MEST: variants seen among roughly 807,000 people sequenced by gnomAD.
MEST encodes mesoderm-specific transcript homolog protein.
In MEST, 18 loss-of-function variants were observed where a neutral mutation model predicts 50.9. The observed-to-expected ratio is 0.35, with a 90% CI of 0.24 to 0.52. The LOEUF is 0.52. MEST is among the 20% of genes least tolerant of loss of function. The probability of loss-of-function intolerance (pLI) is 0.94; values close to 1 mark genes in which losing one functional copy is unlikely to be tolerated. For missense variants in MEST, 282 were observed against 425.3 expected (o/e 0.66, Z 2.96); for synonymous variants, 130 against 154.1 (o/e 0.84, Z 1.16).
intron 1 of MEST, chr7:130,494,399 T>C (rs1554436284): frequency 2.6e-5 from 4 of 152,224 alleles, no homozygotes; most frequent in South Asian, 2.1e-4. Flanking sequence ...TCAGAAGTCA[T>C]AGACTTGAAA....
intron 11 of MEST, 49 bp from the exon 12 acceptor site, chr7:130,504,890 C>A: frequency 6.9e-7 from 1 of 1,451,278 alleles, no homozygotes; most frequent in South Asian, 1.1e-5. Context: ...GGCTTACATC[C>A]CTCCCGCTCC....
At position 130,505,067 on chromosome 7, in the gene MEST, G is replaced by A; in HGVS notation, c.*11G>A. ...ATCAACTCCTTCTGAGCTGGAAAGA[G>A]TAGCTTCCCTGTATTACCTCCCCTA... On this transcript the variant is annotated 3_prime_UTR_variant, in exon 12 of 12. Coordinates refer to ENST00000223215, the MANE Select transcript of MEST (RefSeq NM_002402.4). 2 of 1,584,404 alleles carry A rather than the reference G, an allele frequency of 1.3e-6. No individual in the cohort carries two copies. The highest frequency in any genetic ancestry group is 8.7e-7 in the Non-Finnish European group (1 of 1,153,934).
Position 130,505,170 on chromosome 7 carries a change from A to G in MEST, c.*114A>G. 2.5e-6 allele frequency: 2 copies of G among 807,060 alleles called. No homozygotes were observed. Among genetic ancestry groups the G allele is most frequent in the East Asian group, 2.5e-5 (1 of 40,702 alleles). 50.0% of individuals were successfully genotyped at this position (807,060 alleles called of 1,614,324 possible). On this transcript the variant is annotated 3_prime_UTR_variant, in exon 12 of 12. Transcript: ENST00000223215. The stretch of plus-strand genomic sequence containing the variant: ...TGGCCATCAAACATAATTCTCTCAC[A>G]AAGTCCACTTTACTCAAATTGGTGA...
At chr7:130,491,299 G>T (rs945511706), upstream of MEST, 2 of 152,356 alleles carry the variant, frequency 1.3e-5, no homozygotes, top group Non-Finnish European at 2.9e-5. The surrounding 1 kb of genome is among the most constrained non-coding windows in gnomAD (Gnocchi z 6.8). Context: ...GTGCAGCGCG[G>T]ACCGGCGCAT....
In MEST at chr7:130,497,903, C is replaced by G; in HGVS notation, c.262-33C>G. 1 of 1,603,460 alleles carries G rather than the reference C, an allele frequency of 6.2e-7. No homozygotes were observed. Among genetic ancestry groups the G allele is most frequent in the East Asian group, 2.2e-5 (1 of 44,830 alleles). The stretch of plus-strand genomic sequence containing the variant: ...GTCTGGTGAAAGGGAGGGGCAGGAG[C>G]AGAAAGCCCAAATCATCGTTTCTTT... On this transcript the variant is annotated intron_variant, in intron 3 of 11. Coordinates refer to ENST00000223215, the MANE Select transcript of MEST (RefSeq NM_002402.4). The surrounding 1 kb of genome is among the most constrained non-coding windows in gnomAD (Gnocchi z 4.0).
upstream of MEST, chr7:130,490,752 C>T (rs1053910425): frequency 4.6e-5 from 7 of 152,212 alleles, no homozygotes; most frequent in African/African-American, 1.7e-4. Flanking sequence ...TATTTCGCAC[C>T]CCCGGTTCTT....
chr7:130,501,306 A>G (rs1373867703), intron 9 of MEST, among the ~76,000 whole-genome samples: 1 of 152,160 alleles, frequency 6.6e-6, no homozygotes, highest in East Asian at 1.9e-4. Context: ...ACTACTTGGG[A>G]TAAGACTCTG....
Position 130,492,350 on chromosome 7 carries a change from G to A in MEST, c.26+11G>A, listed in dbSNP as rs2116226473. 7.6e-7 allele frequency: 1 copy of A among 1,319,250 alleles called. No individual in the cohort carries two copies. The highest frequency in any genetic ancestry group is 9.7e-7 in the Non-Finnish European group (1 of 1,030,154). The allele number at this position is 1,319,250 out of a possible 1,614,324, so 81.7% of individuals were successfully genotyped here. A position where few individuals can be genotyped will look rare whatever the true frequency, so the allele number is the denominator to read the frequency against. ...AGATCGCCTCCGCAGGTGAGTGTGCGGTGGGAACGAGGGGGTGTGGCTGGC... is the reference window on the plus strand; with the variant it reads ...AGATCGCCTCCGCAGGTGAGTGTGCAGTGGGAACGAGGGGGTGTGGCTGGC... On this transcript the variant is annotated intron_variant, in intron 1 of 11. Transcript: ENST00000223215. The surrounding 1 kb of genome is among the most constrained non-coding windows in gnomAD (Gnocchi z 7.6).
At position 130,500,170 on chromosome 7, in the gene MEST, G is replaced by GT. The variant is rs1306790956; in HGVS notation, c.576+256dup. On this transcript the variant is annotated intron_variant, in intron 7 of 11. Coordinates refer to ENST00000223215, the MANE Select transcript of MEST (RefSeq NM_002402.4). The surrounding 1 kb of genome is among the most constrained non-coding windows in gnomAD (Gnocchi z 5.0). ...AGAAATTACAGCTATGGAAAGATCTGTGTCACAAGCTTGATGTTTGAACAA... is the reference window on the plus strand; with the variant it reads ...AGAAATTACAGCTATGGAAAGATCTGTTGTCACAAGCTTGATGTTTGAACAA... 3 of 553,574 alleles carry GT rather than the reference G, an allele frequency of 5.4e-6. No individual in the cohort carries two copies. The African/African-American group carries it at 5.7e-5, about 10-fold the overall frequency. The allele number at this position is 553,574 out of a possible 1,614,324, so 34.3% of individuals were successfully genotyped here.
In MEST at chr7:130,492,264, G is replaced by A; in HGVS notation, c.-50G>A. The A allele has an allele frequency of 7.5e-7, 1 of 1,330,590 alleles. No homozygotes were observed. Among genetic ancestry groups the A allele is most frequent in the Non-Finnish European group, 9.6e-7 (1 of 1,042,188 alleles). The allele number at this position is 1,330,590 out of a possible 1,614,324, so 82.4% of individuals were successfully genotyped here. On this transcript the variant is annotated 5_prime_UTR_variant, in exon 1 of 12. Transcript: ENST00000223215. This position sits in a 1 kb window ranked among gnomAD's most constrained non-coding sequence, Gnocchi z 7.6. ...GCTCTGCACGGCTGCGGGCTCTGCG[G>A]CGCCCGGTGCTCTGCAACGCTGCGG...
chr7:130,499,125 G>A (rs1554437947), intron 6 of MEST, among the ~76,000 whole-genome samples: 1 of 152,186 alleles, frequency 6.6e-6, no homozygotes, highest in African/African-American at 2.4e-5. Flanking sequence ...GGACTTAACT[G>A]TATGAGATTC....
chr7:130,486,490 G>A (rs1299780423), intron 1 of MEST: 2 of 152,284 alleles, frequency 1.3e-5, no homozygotes, highest in Non-Finnish European at 2.9e-5. Flanking sequence ...TGTGGCTCGT[G>A]TGCGTGGGCC....
rs782609022 is a variant in MEST at position 130,504,950 on chromosome 7, C to T, written c.902C>T (p.Pro301Leu). 13 of 1,613,650 alleles carry T rather than the reference C, an allele frequency of 8.1e-6. No individual in the cohort carries two copies. The highest frequency in any genetic ancestry group is 3.3e-5 in the Admixed American group (2 of 59,992). ...EFLELYRKTLPRSTVSILDDH... is the reference protein window; with the variant it reads ...EFLELYRKTLLRSTVSILDDH... ...TTCTCTTCCACTAGGAAAACGCTGC[C>T]GCGGTCCACAGTGTCGATTCTGGAT... Residue 301 changes from proline (P) to leucine (L), a missense_variant, in exon 12 of 12, where the codon CCG becomes CTG. Coordinates refer to ENST00000223215, the MANE Select transcript of MEST (RefSeq NM_002402.4).
intron 2 of MEST, chr7:130,496,406 C>T (rs577583648): frequency 5.8e-4 from 184 of 316,012 alleles, no homozygotes; most frequent in Non-Finnish European, 9.5e-4. Context: ...AAAGTATATA[C>T]AATTTTTAAC....
At chr7:130,501,592 CAT>C (rs1799277425) in intron 9 of MEST, among the ~76,000 whole-genome samples, 2 of 152,266 alleles carry the variant, frequency 1.3e-5, no homozygotes, top group African/African-American at 4.8e-5. Flanking sequence ...GAGTAGAATA[CAT>C]GAGTTTGAGT....
Position 130,500,019 on chromosome 7 carries a change from TC to T in MEST, c.576+106del. ...GCTCCTGTAACTGGCAGTAGTTAAA[TC>T]CTCTTCCTTGTGAATTTCTATTAAT... On this transcript the variant is annotated intron_variant, in intron 7 of 11. Coordinates refer to ENST00000223215, the MANE Select transcript of MEST (RefSeq NM_002402.4). This position sits in a 1 kb window ranked among gnomAD's most constrained non-coding sequence, Gnocchi z 5.0. The T allele has an allele frequency of 2.1e-6, 2 of 948,114 alleles. No individual in the cohort carries two copies. The highest frequency in any genetic ancestry group is 3.2e-6 in the Non-Finnish European group (2 of 624,518). The allele number at this position is 948,114 out of a possible 1,614,324, so 58.7% of individuals were successfully genotyped here.
chr7:130,495,770 C>T (rs1202354846), intron 2 of MEST: 3 of 287,184 alleles, frequency 1.0e-5, no homozygotes, highest in East Asian at 1.6e-4. Flanking sequence ...ATATGTATTC[C>T]AATATTAGTT....
upstream of MEST, chr7:130,490,871 G>T (rs1270718070): frequency 2.6e-5 from 4 of 152,320 alleles, no homozygotes; most frequent in African/African-American, 9.6e-5. Context: ...CTGATGATAG[G>T]CTTATAGGCG....
Position 130,497,756 on chromosome 7 carries a change from T to C in MEST, c.262-180T>C, listed in dbSNP as rs1799119803. ...GTTACCCTCCCTCAACAGGGATTAA[T>C]TACCAGGAATAAAGCATTTTCCAAG... is the stretch of plus-strand genomic sequence containing the variant. On this transcript the variant is annotated intron_variant, in intron 3 of 11. Transcript: ENST00000223215. This position sits in a 1 kb window ranked among gnomAD's most constrained non-coding sequence, Gnocchi z 4.0. The C allele has an allele frequency of 1.6e-6, 1 of 627,412 alleles. No individual in the cohort carries two copies. The highest frequency in any genetic ancestry group is 2.7e-5 in the East Asian group (1 of 36,902). 38.9% of individuals were successfully genotyped at this position (627,412 alleles called of 1,614,324 possible).
Sources: allele counts gnomAD v4.1 joint callset (sites outside exome capture counted in the v4.1 genomes callset), GRCh38; gene constraint gnomAD v4.1.1; non-coding constraint Gnocchi (gnomAD v3.1); transcripts MANE v1.5; gene names NCBI Gene and HGNC (gene_info 2026-07-23, HGNC 2026-07-21).